PI16: variants seen among roughly 807,000 people sequenced by gnomAD.
PI16 encodes peptidase inhibitor 16.
In PI16, 35 loss-of-function variants were observed where a neutral mutation model predicts 38.0. That is an observed-to-expected ratio of 0.92 (90% CI 0.70 to 1.22). The LOEUF is 1.22. PI16 is among the 50% of genes most tolerant of loss of function. The pLI is 0.00. For synonymous variants in PI16, 275 were observed against 252.9 expected, an observed-to-expected ratio of 1.09 and a Z score of -0.83; for missense variants, 572 against 593.8, an observed-to-expected ratio of 0.96 and a Z score of 0.38.
chr6:36,958,833 A>C (rs1763271514), intron 1 of PI16, among the ~76,000 whole-genome samples: 2 of 152,014 alleles, frequency 1.3e-5, no homozygotes, highest in South Asian at 4.1e-4. Flanking sequence ...CCTTTTTCAC[A>C]TGAGGCTTTT....
chr6:36,950,624 A>G (rs907789414), upstream of PI16, among the ~76,000 whole-genome samples: 1 of 151,312 alleles, frequency 6.6e-6, no homozygotes, highest in African/African-American at 2.4e-5. This position sits in a 1 kb window ranked among gnomAD's most constrained non-coding sequence, Gnocchi z 4.2. Flanking sequence ...GCTCACCGCA[A>G]CCTCCACTTC....
chr6:36,962,023 G>C lies in PI16; in HGVS notation c.592+49G>C. Reference sequence around the variant, plus strand: ...GGGGCAGGGGGTGTGGAAATGATGCGATGCAGACTGGATGGTCTAAGAGCC... The same window carrying C: ...GGGGCAGGGGGTGTGGAAATGATGCCATGCAGACTGGATGGTCTAAGAGCC... On this transcript the variant is annotated intron_variant, in intron 4 of 6. Transcript: ENST00000373674. This position sits in a 1 kb window ranked among gnomAD's most constrained non-coding sequence, Gnocchi z 4.1. 1 of 1,472,916 alleles carries C rather than the reference G, an allele frequency of 6.8e-7. No individual in the cohort carries two copies. Among genetic ancestry groups the C allele is most frequent in the Non-Finnish European group, 9.5e-7 (1 of 1,051,466 alleles). 91.2% of individuals were successfully genotyped at this position (1,472,916 alleles called of 1,614,324 possible). A position where few individuals can be genotyped will look rare whatever the true frequency, so the allele number is the denominator to read the frequency against.
rs1482834994 is a variant in PI16, at chr6:36,954,807, T to C, written c.47T>C (p.Leu16Pro). The change falls in exon 1 of 7, where the codon CTA becomes CCA. Residue 16 changes from leucine (L) to proline (P), a missense_variant. Physicochemically the swap from Leu to Pro is moderately conservative, Grantham distance 98 (BLOSUM62 -3). Coordinates refer to ENST00000373674, the MANE Select transcript of PI16 (RefSeq NM_153370.3). ...SFLMLLLPLL[L>P]LLVATTGPVG... ...CTGATGCTTCTGCTGCCGCTACTGC[T>C]ACTGCTGGTGGCCACCACAGGCCCC... 5 of 1,613,982 alleles carry C rather than the reference T, an allele frequency of 3.1e-6. No homozygotes were observed. The African/African-American group carries it at 6.7e-5, about 22-fold the overall frequency.
At chr6:36,961,082 G>A (rs1231639258) in intron 2 of PI16, among the ~76,000 whole-genome samples, 1 of 152,158 alleles carries the variant, frequency 6.6e-6, no homozygotes, top group Non-Finnish European at 1.5e-5. Context: ...TACCATTTGA[G>A]ATTCTTTCGT....
exon 1 of PI16, chr6:36,948,402 C>T (rs1013793585): frequency 6.6e-6 from 1 of 152,196 alleles, no homozygotes; most frequent in Non-Finnish European, 1.5e-5. Context: ...CTTCCCAGGC[C>T]AGGTCAGCAC....
upstream of PI16, chr6:36,954,671 C>G: frequency 3.3e-6 from 5 of 1,509,842 alleles, no homozygotes; most frequent in Non-Finnish European, 3.5e-6. Context: ...CCCCACTGCC[C>G]CACCCCAGCC....
rs1444551093 is a variant in PI16 at position 36,963,115 on chromosome 6, C to T, written c.773C>T (p.Pro258Leu). 6.2e-7 allele frequency: 1 copy of T among 1,614,236 alleles called. No homozygotes were observed. ...GGCTCCCTGGCAACCAAGGCTCTGC[C>T]TGCTGTGGAAACCCAGGCCCCAACT... ...VSGSLATKALPAVETQAPTSL... is the reference protein window; with the variant it reads ...VSGSLATKALLAVETQAPTSL... The change falls in exon 5 of 7, where the codon CCT becomes CTT. Residue 258 changes from proline to leucine, a missense_variant. Physicochemically the swap from Pro to Leu is moderately conservative, Grantham distance 98 (BLOSUM62 -3). Coordinates refer to ENST00000373674, the MANE Select transcript of PI16 (RefSeq NM_153370.3).
chr6:36,963,075 GT>G lies in PI16; in HGVS notation c.734del (p.Val245GlufsTer24), dbSNP rs1458440456. 7 of 1,614,098 alleles carry G rather than the reference GT, an allele frequency of 4.3e-6. No homozygotes were observed. Among genetic ancestry groups the G allele is most frequent in the Non-Finnish European group, 5.1e-6 (6 of 1,180,050 alleles). ...SLATGIPAFL[V>X]TEVSGSLATK... ...AGCAACGGGGATTCCGGCTTTCTTG[GT>G]AACAGAGGTCTCAGGCTCCCTGGCA... On this transcript the variant is annotated frameshift_variant, in exon 5 of 7. Transcript: ENST00000373674. LOFTEE classifies it high-confidence loss of function.
At chr6:36,950,777 A>G (rs1012719670), upstream of PI16, among the ~76,000 whole-genome samples, 1 of 152,136 alleles carries the variant, frequency 6.6e-6, no homozygotes, top group Non-Finnish European at 1.5e-5. The surrounding 1 kb of genome is among the most constrained non-coding windows in gnomAD (Gnocchi z 4.2). Context: ...TCCTGACCTC[A>G]GGTGATCCGC....
In PI16 at chr6:36,959,224, G is replaced by A. The variant is rs139393851; in HGVS notation, c.251G>A (p.Arg84His). 1.6e-5 allele frequency: 25 copies of A among 1,609,786 alleles called. No individual in the cohort carries two copies. The African/African-American group carries it at 2.0e-4, about 13-fold the overall frequency. ...CVWGHNKERG[R>H]RGENLFAITD... ...TGGGGCCACAACAAGGAGCGCGGGC[G>A]CCGCGGCGAGAATCTGTTCGCCATC... The change falls in exon 2 of 7, where the codon CGC becomes CAC. Residue 84 changes from arginine to histidine, a missense_variant. By Grantham distance (29) the Arg-to-His change is conservative. Transcript: ENST00000373674.
chr6:36,954,946 G>A lies in PI16; in HGVS notation c.171+15G>A, dbSNP rs776172349. The A allele has an allele frequency of 1.5e-5, 24 of 1,609,476 alleles. No individual in the cohort carries two copies. Among genetic ancestry groups the A allele is most frequent in the African/African-American group, 1.2e-4 (9 of 74,796 alleles). On this transcript the variant is annotated intron_variant, in intron 1 of 6. Transcript: ENST00000373674. ...TGCTGCACATGGTAAGTGTGGCCACGGCCCTTGCTGGCTGGGATGGAAGGG... is the reference window on the plus strand; with the variant it reads ...TGCTGCACATGGTAAGTGTGGCCACAGCCCTTGCTGGCTGGGATGGAAGGG...
rs1386805654 is a variant in PI16, at chr6:36,962,773, T to C, written c.593-162T>C. Among the ~76,000 whole-genome samples, 1 of 152,136 alleles carries C rather than the reference T, an allele frequency of 6.6e-6. No individual in the cohort carries two copies. The highest frequency in any genetic ancestry group is 2.4e-5 in the African/African-American group (1 of 41,430). On this transcript the variant is annotated intron_variant, in intron 4 of 6. Transcript: ENST00000373674. The surrounding 1 kb of genome is among the most constrained non-coding windows in gnomAD (Gnocchi z 4.1). ...CAGACGTGAGCCACCGCGCCCGGCT[T>C]GTAACTTTTATTTTCAATGAGGGGC...
In PI16 at chr6:36,963,192, G is replaced by GT. The variant is rs1561898546; in HGVS notation, c.851dup (p.Thr285AsnfsTer3). The GT allele has an allele frequency of 3.1e-6, 5 of 1,614,114 alleles. No individual in the cohort carries two copies. In the South Asian group the frequency reaches 5.5e-5, roughly 18 times the overall value. On this transcript the variant is annotated frameshift_variant, in exon 5 of 7. Coordinates refer to ENST00000373674, the MANE Select transcript of PI16 (RefSeq NM_153370.3). LOFTEE classifies it high-confidence loss of function. Reference sequence around the variant, plus strand: ...CATGGCAACAGAGGCTCCACCTTGCGTAACAACTGAGGTCCCTTCCATTTT... The same window carrying GT: ...CATGGCAACAGAGGCTCCACCTTGCGTTAACAACTGAGGTCCCTTCCATTTT...
chr6:36,951,422 G>A (rs1763098678), upstream of PI16, among the ~76,000 whole-genome samples: 1 of 151,858 alleles, frequency 6.6e-6, no homozygotes, highest in Non-Finnish European at 1.5e-5. Flanking sequence ...GCTGATTTTT[G>A]TATTTTTTGT....
In PI16 at chr6:36,963,829, AG is replaced by A. The variant is rs772689078; in HGVS notation, c.1280del (p.Gly427AlafsTer11). 1.3e-6 allele frequency: 2 copies of A among 1,594,108 alleles called. No individual in the cohort carries two copies. The highest frequency in any genetic ancestry group is 2.3e-5 in the South Asian group (2 of 88,152). Reference sequence around the variant, plus strand: ...AGCCTCTTTCTTCCCACAGGTGCAGAGGGCCCTGACAAGCCTAGCGTCGTGT... The same window carrying A: ...AGCCTCTTTCTTCCCACAGGTGCAGAGGCCCTGACAAGCCTAGCGTCGTGT... ...LALQSSLPGA[E>X]GPDKPSVVSG... On this transcript the variant is annotated frameshift_variant, in exon 6 of 7. Transcript: ENST00000373674. LOFTEE classifies it high-confidence loss of function.
In PI16 at chr6:36,962,799, A is replaced by G. The variant is rs774639512; in HGVS notation, c.593-136A>G. The G allele has an allele frequency of 1.2e-5, 9 of 736,708 alleles. No homozygotes were observed. Among genetic ancestry groups the G allele is most frequent in the African/African-American group, 5.3e-5 (3 of 56,186 alleles). The allele number at this position is 736,708 out of a possible 1,614,324, so 45.6% of individuals were successfully genotyped here. On this transcript the variant is annotated intron_variant, in intron 4 of 6. Coordinates refer to ENST00000373674, the MANE Select transcript of PI16 (RefSeq NM_153370.3). The surrounding 1 kb of genome is among the most constrained non-coding windows in gnomAD (Gnocchi z 4.1). ...GTAACTTTTATTTTCAATGAGGGGC[A>G]TATCAGCTGGAGAAGTGTATGTGTG... is the stretch of plus-strand genomic sequence containing the variant.
chr6:36,959,478 A>G (rs1334554572), intron 2 of PI16, 112 bp downstream of exon 2: 1 of 1,093,222 alleles, frequency 9.1e-7, no homozygotes, highest in Non-Finnish European at 1.3e-6. Flanking sequence ...TCCTCGCTGC[A>G]AGTAGGCGGG....
intron 1 of PI16, among the ~76,000 whole-genome samples, chr6:36,956,630 T>C (rs764539295): frequency 2.0e-5 from 3 of 152,220 alleles, no homozygotes; most frequent in Admixed American, 6.5e-5. Flanking sequence ...CTTAGCTTTG[T>C]TACTTATTAG....
At position 36,963,588 on chromosome 6, in the gene PI16, C is replaced by A; in HGVS notation, c.1246C>A (p.Leu416Met). Residue 416 changes from leucine (L) to methionine (M), a missense_variant, in exon 5 of 7, where the codon CTG becomes ATG. Physicochemically the swap from Leu to Met is conservative, Grantham distance 15. Transcript: ENST00000373674. ...ATANATGGRALALQSSLPGAE... is the reference protein window; with the variant it reads ...ATANATGGRAMALQSSLPGAE... ...CGCTAATGCCACGGGTGGGCGTGCC[C>A]TGGCTCTGCAGTCGTCCTTGCCAGG... 1 of 1,614,052 alleles carries A rather than the reference C, an allele frequency of 6.2e-7. No homozygotes were observed. The highest frequency in any genetic ancestry group is 1.1e-5 in the South Asian group (1 of 91,074).
Sources: allele counts gnomAD v4.1 joint callset (sites outside exome capture counted in the v4.1 genomes callset), GRCh38; gene constraint gnomAD v4.1.1; non-coding constraint Gnocchi (gnomAD v3.1); transcripts MANE v1.5; gene names NCBI Gene and HGNC (gene_info 2026-07-23, HGNC 2026-07-21).